DMD: variants seen among roughly 807,000 people sequenced by gnomAD.
The protein encoded by DMD is dystrophin.
DMD carries 63 observed loss-of-function variants against 330.1 expected under a neutral mutation model. The ratio of observed to expected loss-of-function variants is 0.19; its 90% CI spans 0.16 to 0.24. The LOEUF is 0.24. Ranked by LOEUF, DMD falls within the 10% of genes least tolerant of loss-of-function variation. The probability of loss-of-function intolerance (pLI) is 1.00; values close to 1 mark genes in which losing one functional copy is unlikely to be tolerated. For missense variants in DMD, 3,344 were observed against 2,684.1 expected, an observed-to-expected ratio of 1.25 and a Z score of -5.43; for synonymous variants, 1,223 against 959.8, an observed-to-expected ratio of 1.27 and a Z score of -5.07.
At chrX:31,314,707 C>G (rs2055821093) in intron 62 of DMD, among the ~76,000 whole-genome samples, 1 of 92,294 alleles carries the variant, frequency 1.1e-5, no homozygotes. Context: ...ATACAATGCA[C>G]TCACAGTCTA....
intron 9 of DMD, among the ~76,000 whole-genome samples, chrX:32,690,841 C>A (rs1453187725): frequency 1.8e-5 from 2 of 111,255 alleles, no homozygotes; most frequent in Admixed American, 1.9e-4. Context: ...AATATCAACT[C>A]CAAACGGATA....
rs2090517382 is a variant in DMD, at chrX:31,774,197, A to C, written c.7310-5T>G. ...GAGTAACAGTCTGAGTAGGAGCTAA[A>C]ATATTTTGGGTTTTTGCAAAAAGGA... On this transcript the variant is annotated splice_polypyrimidine_tract_variant and splice_region_variant and intron_variant, in intron 50 of 78. Transcript: ENST00000357033. 8.4e-6 allele frequency: 10 copies of C among 1,192,725 alleles called. No individual in the cohort carries two copies. Among genetic ancestry groups the C allele is most frequent in the Non-Finnish European group, 1.0e-5 (9 of 880,387 alleles).
intron 44 of DMD, among the ~76,000 whole-genome samples, chrX:31,998,130 T>G (rs1389624533): frequency 9.0e-6 from 1 of 111,565 alleles, no homozygotes; most frequent in Admixed American, 9.5e-5. Context: ...AAACTACATT[T>G]TATCACATTA....
At chrX:31,403,796 T>G (rs997983942) in intron 60 of DMD, among the ~76,000 whole-genome samples, 2 of 111,674 alleles carry the variant, frequency 1.8e-5, no homozygotes, top group Admixed American at 9.6e-5. Context: ...AAAATAGCTT[T>G]TCCTTTGATT....
At position 31,307,395 on chromosome X, in the gene DMD, C is replaced by T. The variant is rs780303979; in HGVS notation, c.9224+16203G>A. 6.3e-5 allele frequency among the ~76,000 whole-genome samples: 7 copies of T among 111,633 alleles called. No homozygotes were observed. In the South Asian group the frequency reaches 2.6e-3, roughly 42 times the overall value. ...TCTTTTTAAACAATACATTCAAGGA[C>T]TTGGAATATAATTGGCAATTTTGTT... On this transcript the variant is annotated intron_variant, in intron 62 of 78. Transcript: ENST00000357033.
intron 15 of DMD, among the ~76,000 whole-genome samples, chrX:32,572,550 G>A (rs910656582): frequency 3.1e-5 from 3 of 96,771 alleles, no homozygotes. Flanking sequence ...AAACTTTAGA[G>A]TTTTTTTTTT....
At chrX:32,736,708 T>C (rs765046072) in intron 7 of DMD, among the ~76,000 whole-genome samples, 3 of 98,826 alleles carry the variant, frequency 3.0e-5, no homozygotes, top group Middle Eastern at 6.0e-3. Context: ...TAGGTGGGAA[T>C]TGAACAATGA....
intron 9 of DMD, among the ~76,000 whole-genome samples, chrX:32,657,909 G>C (rs763380340): frequency 6.3e-4 from 70 of 111,204 alleles, no homozygotes; most frequent in Non-Finnish European, 1.0e-3. Flanking sequence ...TGATTCACTG[G>C]ATACTTTTAA....
intron 54 of DMD, among the ~76,000 whole-genome samples, chrX:31,643,164 T>C (rs535905954): frequency 2.7e-5 from 3 of 111,783 alleles, no homozygotes; most frequent in South Asian, 7.4e-4. Flanking sequence ...ATAGGAAAAA[T>C]TGGTTTTGAT....
intron 1 of DMD, among the ~76,000 whole-genome samples, chrX:33,154,641 A>G (rs763737241): frequency 2.7e-5 from 3 of 111,498 alleles, no homozygotes; most frequent in Non-Finnish European, 5.6e-5. Flanking sequence ...CCCTGACCCT[A>G]ATTTTTCCCC....
intron 48 of DMD, among the ~76,000 whole-genome samples, chrX:31,851,651 T>C (rs986204537): frequency 8.9e-6 from 1 of 112,437 alleles, no homozygotes; most frequent in African/African-American, 3.2e-5. Flanking sequence ...GTACTAGATA[T>C]GTAACAGCGA....
intron 48 of DMD, among the ~76,000 whole-genome samples, chrX:31,868,465 C>A (rs775375257): frequency 4.1e-4 from 45 of 111,110 alleles, no homozygotes; most frequent in Middle Eastern, 4.7e-3. Context: ...TGCATAGGCT[C>A]AATAAATATA....
chrX:32,271,123 G>T (rs907956284), intron 43 of DMD, among the ~76,000 whole-genome samples: 1 of 111,647 alleles, frequency 9.0e-6, no homozygotes, highest in African/African-American at 3.3e-5. Context: ...ACACAGACTG[G>T]ACCATCCTTG....
chrX:31,715,965 CAGTA>C (rs1708209190), intron 52 of DMD, among the ~76,000 whole-genome samples: 2 of 111,966 alleles, frequency 1.8e-5, no homozygotes, highest in African/African-American at 6.5e-5. Context: ...TCCAATCAAT[CAGTA>C]AGTATTTATG....
At chrX:33,310,892 T>C (rs2053837875) in intron 1 of DMD, among the ~76,000 whole-genome samples, 1 of 110,936 alleles carries the variant, frequency 9.0e-6, no homozygotes, top group Non-Finnish European at 1.9e-5. Flanking sequence ...TTGAAGAGAT[T>C]AATGGCAAGA....
At chrX:33,073,998 G>A (rs1298079689) in intron 1 of DMD, among the ~76,000 whole-genome samples, 1 of 110,741 alleles carries the variant, frequency 9.0e-6, no homozygotes, top group Non-Finnish European at 1.9e-5. Flanking sequence ...AACTAAATAC[G>A]GCCTGAGAAG....
At chrX:33,300,831 T>C (rs2053650726) in intron 1 of DMD, among the ~76,000 whole-genome samples, 1 of 112,043 alleles carries the variant, frequency 8.9e-6, no homozygotes, top group Non-Finnish European at 1.9e-5. Context: ...CAGTAATTGC[T>C]GTCTCTTTTA....
chrX:32,079,589 C>T (rs774860448), intron 44 of DMD, among the ~76,000 whole-genome samples: 8 of 102,142 alleles, frequency 7.8e-5, no homozygotes, highest in Non-Finnish European at 9.9e-5. Flanking sequence ...AGCAAGACTC[C>T]GAAAGGCAGA....
intron 7 of DMD, among the ~76,000 whole-genome samples, chrX:32,750,133 T>C (rs1215853866): frequency 8.9e-6 from 1 of 112,139 alleles, no homozygotes; most frequent in East Asian, 2.8e-4. Context: ...ACATTAAGAA[T>C]AAACAGAGAT....
Sources: allele counts gnomAD v4.1 joint callset (sites outside exome capture counted in the v4.1 genomes callset), GRCh38; gene constraint gnomAD v4.1.1; transcripts MANE v1.5; gene names NCBI Gene and HGNC (gene_info 2026-07-23, HGNC 2026-07-21).